The following VPS9D1 variants were observed in gnomAD, a reference collection of about 807,000 sequenced individuals.
VPS9D1 encodes the protein VPS9 domain containing 1, also known as VPS9 domain-containing protein 1.
VPS9D1 carries 78 observed loss-of-function variants against 75.8 expected under a neutral mutation model. The observed-to-expected ratio is 1.03, with a 90% CI of 0.86 to 1.24. VPS9D1 has a LOEUF of 1.24. VPS9D1 is among the 50% of genes most tolerant of loss of function. The probability of loss-of-function intolerance (pLI) is 0.00; values close to 1 mark genes in which losing one functional copy is unlikely to be tolerated. For missense variants in VPS9D1, 1,057 were observed against 847.7 expected, an observed-to-expected ratio of 1.25 and a Z score of -3.07; for synonymous variants, 481 against 385.6, an observed-to-expected ratio of 1.25 and a Z score of -2.90.
In VPS9D1 at chr16:89,709,887, G is replaced by C. The variant is rs371550033; in HGVS notation, c.1278C>G (p.Thr426=). The C allele has an allele frequency of 2.0e-5, 32 of 1,611,880 alleles. No homozygotes were observed. The highest frequency in any genetic ancestry group is 2.7e-5 in the Non-Finnish European group (32 of 1,178,960). ...TGTTTAGGCCTTCGAAGGCCAGAAGGGTCAGCGAGAGCAGCCTGTCTGCTA... is the reference window on the plus strand; with the variant it reads ...TGTTTAGGCCTTCGAAGGCCAGAAGCGTCAGCGAGAGCAGCCTGTCTGCTA... ...HNAVDRLLSL[T]LLAFEGLNTA... is the part of the protein sequence containing the mutation. Residue 426 remains threonine, a synonymous_variant, in exon 11 of 15, where the codon ACC becomes ACG. Coordinates refer to ENST00000389386, the MANE Select transcript of VPS9D1 (RefSeq NM_004913.3).
Position 89,719,043 on chromosome 16 carries a change from T to G in VPS9D1, c.159A>C (p.Glu53Asp). 6.2e-7 allele frequency: 1 copy of G among 1,613,424 alleles called. No individual in the cohort carries two copies. Among genetic ancestry groups the G allele is most frequent in the Non-Finnish European group, 8.5e-7 (1 of 1,179,832 alleles). Reference protein sequence around the residue: ...IHYISQVLLEEVETTKEAGET... With the variant: ...IHYISQVLLEDVETTKEAGET... ...GAGCCGTACCTTTAGTGGTTTCCACTTCTTCTAGTAACACCTGGGAGATAT... is the reference window on the plus strand; with the variant it reads ...GAGCCGTACCTTTAGTGGTTTCCACGTCTTCTAGTAACACCTGGGAGATAT... The change falls in exon 2 of 15, where the codon GAA becomes GAC. Residue 53 changes from glutamate to aspartate, a missense_variant. By Grantham distance (45) the Glu-to-Asp change is conservative. Transcript: ENST00000389386.
chr16:89,712,458 G>A lies in VPS9D1; in HGVS notation c.606+2C>T. On this transcript the variant is annotated splice_donor_variant, in intron 6 of 14. Coordinates refer to ENST00000389386, the MANE Select transcript of VPS9D1 (RefSeq NM_004913.3). LOFTEE classifies it low-confidence loss of function (GC_TO_GT_DONOR). ...GACCACCAGGGCGGTCAGAAAGGCT[G>A]CTGTCTCCTCCCGGGCTTTGGCAAT... is the stretch of plus-strand genomic sequence containing the variant. 6.2e-7 allele frequency: 1 copy of A among 1,613,138 alleles called. No individual in the cohort carries two copies. The highest frequency in any genetic ancestry group is 8.5e-7 in the Non-Finnish European group (1 of 1,180,008).
intron 4 of VPS9D1, among the ~76,000 whole-genome samples, chr16:89,713,324 G>A (rs1001474085): frequency 5.3e-5 from 8 of 151,010 alleles, no homozygotes; most frequent in East Asian, 4.0e-4. Flanking sequence ...GCGCAATCTC[G>A]GCTCACTGCA....
At chr16:89,716,932 A>G in intron 2 of VPS9D1, 110 bp from the exon 3 acceptor site, 1 of 785,356 alleles carries the variant, frequency 1.3e-6, no homozygotes, top group Non-Finnish European at 1.7e-6. Context: ...CCCCCTCAGC[A>G]CCCCCACTGA....
At chr16:89,717,511 C>A (rs1009534037) in intron 2 of VPS9D1, 1 of 454,258 alleles carries the variant, frequency 2.2e-6, no homozygotes, top group Non-Finnish European at 4.4e-6. Context: ...GCCGTGGGAG[C>A]TGCCTCTCTG....
At position 89,716,613 on chromosome 16, in the gene VPS9D1, G is replaced by C. The variant is rs774620484; in HGVS notation, c.280C>G (p.Leu94Val). ...STAAKLGKTR[L>V]KPTMPAAAPI... is the part of the protein sequence containing the mutation. Reference sequence around the variant, plus strand: ...GCAGCTGCAGGCATGGTTGGCTTCAGGCGTGTTTTCCCTGCAAGCCATGGG... The same window carrying C: ...GCAGCTGCAGGCATGGTTGGCTTCACGCGTGTTTTCCCTGCAAGCCATGGG... Residue 94 changes from leucine to valine, a missense_variant, in exon 4 of 15, where the codon CTG becomes GTG. Leu to Val is a conservative substitution (Grantham distance 32). Coordinates refer to ENST00000389386, the MANE Select transcript of VPS9D1 (RefSeq NM_004913.3). 1.9e-6 allele frequency: 3 copies of C among 1,613,160 alleles called. No homozygotes were observed. Among genetic ancestry groups the C allele is most frequent in the Non-Finnish European group, 2.5e-6 (3 of 1,179,470 alleles).
rs1195351812 is a variant in VPS9D1, at chr16:89,708,845, C to G, written c.1697+12G>C. 3 of 1,574,784 alleles carry G rather than the reference C, an allele frequency of 1.9e-6. No homozygotes were observed. Among genetic ancestry groups the G allele is most frequent in the Non-Finnish European group, 2.6e-6 (3 of 1,168,156 alleles). ...TTCCTCCCTGGCCACACCTCGCCCTCCTGGGACTCACATGGCAGCTGCAGC... is the reference window on the plus strand; with the variant it reads ...TTCCTCCCTGGCCACACCTCGCCCTGCTGGGACTCACATGGCAGCTGCAGC... On this transcript the variant is annotated intron_variant, in intron 13 of 14. Transcript: ENST00000389386.
At position 89,710,955 on chromosome 16, in the gene VPS9D1, T is replaced by C. The variant is rs747392291; in HGVS notation, c.889A>G (p.Ser297Gly). The change falls in exon 10 of 15, where the codon AGC becomes GGC. Residue 297 changes from serine (S) to glycine (G), a missense_variant. By Grantham distance (56) the Ser-to-Gly change is moderately conservative (BLOSUM62 0). Coordinates refer to ENST00000389386, the MANE Select transcript of VPS9D1 (RefSeq NM_004913.3). The stretch of plus-strand genomic sequence containing the variant: ...CTGCTCACGGCGGGATACAGGGCGC[T>C]GTACACGGAGCACTGCAGCCGCCTC... ...LLRRLQCSVYSALYPAVSRAA... is the reference protein window; with the variant it reads ...LLRRLQCSVYGALYPAVSRAA... The C allele has an allele frequency of 1.6e-5, 23 of 1,461,202 alleles. No individual in the cohort carries two copies. The highest frequency in any genetic ancestry group is 2.5e-5 in the Admixed American group (1 of 39,770). 90.5% of individuals were successfully genotyped at this position (1,461,202 alleles called of 1,614,324 possible).
chr16:89,717,232 C>T (rs2061095152), intron 2 of VPS9D1: 1 of 286,720 alleles, frequency 3.5e-6, no homozygotes. Flanking sequence ...AATCATCTGC[C>T]CTGGTTTTGC....
rs1335441736 is a variant in VPS9D1, at chr16:89,710,708, G to A, written c.1136C>T (p.Ser379Leu). Reference protein sequence around the residue: ...TASGLPDKDSSFEDLEQFLGT... With the variant: ...TASGLPDKDSLFEDLEQFLGT... ...CAGGAACTGCTCCAGGTCCTCGAAC[G>A]AGCTGTCCTTGTCTGGCAATCCAGA... The change falls in exon 10 of 15, where the codon TCG becomes TTG. Residue 379 changes from serine to leucine, a missense_variant. Physicochemically the swap from Ser to Leu is moderately radical, Grantham distance 145 (BLOSUM62 -2). Coordinates refer to ENST00000389386, the MANE Select transcript of VPS9D1 (RefSeq NM_004913.3). 1 of 1,606,300 alleles carries A rather than the reference G, an allele frequency of 6.2e-7. No homozygotes were observed. Among genetic ancestry groups the A allele is most frequent in the Non-Finnish European group, 8.5e-7 (1 of 1,176,994 alleles).
chr16:89,714,431 A>G (rs540587956), intron 4 of VPS9D1, among the ~76,000 whole-genome samples: 1 of 152,140 alleles, frequency 6.6e-6, no homozygotes, highest in African/African-American at 2.4e-5. Context: ...TCTCCTTTAT[A>G]CAGTTCCCAA....
chr16:89,708,761 G>T, intron 13 of VPS9D1, 96 bp downstream of exon 13: 1 of 1,305,980 alleles, frequency 7.7e-7, no homozygotes, highest in South Asian at 1.5e-5. Flanking sequence ...CAGCCAGCTG[G>T]CACAAGGCTA....
chr16:89,718,540 C>A (rs1178538210), intron 2 of VPS9D1, among the ~76,000 whole-genome samples: 3 of 152,132 alleles, frequency 2.0e-5, no homozygotes, highest in Non-Finnish European at 4.4e-5. Context: ...CAACGCTGGT[C>A]CCTTCCTGCC....
rs942362843 is a variant in VPS9D1 at position 89,720,783 on chromosome 16, C to A, written c.79G>T (p.Asp27Tyr). The A allele has an allele frequency of 6.9e-7, 1 of 1,458,854 alleles. No homozygotes were observed. The highest frequency in any genetic ancestry group is 3.1e-5 in the East Asian group (1 of 32,158). 90.4% of individuals were successfully genotyped at this position (1,458,854 alleles called of 1,614,324 possible). A position where few individuals can be genotyped will look rare whatever the true frequency, so the allele number is the denominator to read the frequency against. Residue 27 changes from aspartate to tyrosine, a missense_variant, in exon 1 of 15, where the codon GAC becomes TAC. By Grantham distance (160) the Asp-to-Tyr change is radical (BLOSUM62 -3). Coordinates refer to ENST00000389386, the MANE Select transcript of VPS9D1 (RefSeq NM_004913.3). ...MKLANGAIELDTGNRPREAYT... is the reference protein window; with the variant it reads ...MKLANGAIELYTGNRPREAYT... ...CTCACCCGGGGCCGGTTGCCGGTGTCCAGCTCGATGGCCCCGTTGGCAAGC... is the reference window on the plus strand; with the variant it reads ...CTCACCCGGGGCCGGTTGCCGGTGTACAGCTCGATGGCCCCGTTGGCAAGC...
At chr16:89,715,548 G>A (rs1466675424) in intron 4 of VPS9D1, among the ~76,000 whole-genome samples, 1 of 149,228 alleles carries the variant, frequency 6.7e-6, no homozygotes, top group Non-Finnish European at 1.5e-5. Flanking sequence ...TTTAGACAGA[G>A]TCTCATTTTG....
At position 89,712,284 on chromosome 16, in the gene VPS9D1, TG is replaced by T. The variant is rs371177898; in HGVS notation, c.606+175del. 68 of 1,318,088 alleles carry T rather than the reference TG, an allele frequency of 5.2e-5. 1 individual carries two copies. The African/African-American group carries it at 9.8e-4, about 19-fold the overall frequency. 81.6% of individuals were successfully genotyped at this position (1,318,088 alleles called of 1,614,324 possible). On this transcript the variant is annotated intron_variant, in intron 6 of 14. Transcript: ENST00000389386. ...GCCAGGAGGGCCGGGCCAGAGAACA[TG>T]GGGGACGGCGGCCGGGCCTTCCCCT...
At chr16:89,711,056 C>T in intron 9 of VPS9D1, 46 bp from the exon 10 acceptor site, 1 of 1,428,462 alleles carries the variant, frequency 7.0e-7, no homozygotes, top group Non-Finnish European at 9.1e-7. Context: ...TCGGCCTCTC[C>T]GTGGCATCCA....
rs753618303 is a variant in VPS9D1 at position 89,709,311 on chromosome 16, T to C, written c.1513A>G (p.Thr505Ala). Residue 505 changes from threonine (T) to alanine (A), a missense_variant, in exon 12 of 15, where the codon ACT becomes GCT. Transcript: ENST00000389386. ...GCCGCCGCGCAGTAGGGGTAGCCAG[T>C]GGCCCCCTTGGCCTCAGGGTTCTGG... is the stretch of plus-strand genomic sequence containing the variant. ...LPQNPEAKGA[T>A]GYPYCAAAQE... 4.4e-6 allele frequency: 7 copies of C among 1,604,150 alleles called. No individual in the cohort carries two copies. In the South Asian group the frequency reaches 7.7e-5, roughly 18 times the overall value.
Position 89,709,435 on chromosome 16 carries a change from C to T in VPS9D1, c.1389G>A (p.Arg463=). The T allele has an allele frequency of 6.6e-7, 1 of 1,507,702 alleles. No individual in the cohort carries two copies. Among genetic ancestry groups the T allele is most frequent in the African/African-American group, 1.4e-5 (1 of 71,744 alleles). 93.4% of individuals were successfully genotyped at this position (1,507,702 alleles called of 1,614,324 possible). The change falls in exon 12 of 15, where the codon AGG becomes AGA. Residue 463 remains arginine (R), a splice_region_variant and synonymous_variant. Transcript: ENST00000389386. The part of the protein sequence containing the change: ...PLWPLLLALY[R]SVHRAREAAL... ...CAGCCTCCCGGGCTCGGTGCACGCTCCTGGGGCAGAGAGAGGCCAGGCTAA... is the reference window on the plus strand; with the variant it reads ...CAGCCTCCCGGGCTCGGTGCACGCTTCTGGGGCAGAGAGAGGCCAGGCTAA...
Sources: allele counts gnomAD v4.1 joint callset (sites outside exome capture counted in the v4.1 genomes callset), GRCh38; gene constraint gnomAD v4.1.1; transcripts MANE v1.5; gene names NCBI Gene and HGNC (gene_info 2026-07-23, HGNC 2026-07-21).